Variants in SLC24A3 observed in about 807,000 individuals in gnomAD.
The protein encoded by SLC24A3 is solute carrier family 24 member 3, also known as sodium/potassium/calcium exchanger 3.
Under a neutral mutation model 75.8 loss-of-function variants are expected in SLC24A3, and 28 were observed. The ratio of observed to expected loss-of-function variants is 0.37; its 90% CI spans 0.27 to 0.51. The LOEUF is 0.51. SLC24A3 is among the 20% of genes least tolerant of loss of function. The probability of loss-of-function intolerance (pLI) is 0.94; values close to 1 mark genes in which losing one functional copy is unlikely to be tolerated. For synonymous variants in SLC24A3, 372 were observed against 334.1 expected (o/e 1.11, Z -1.24); for missense variants, 663 against 847.8 (o/e 0.78, Z 2.71).
chr20:19,475,123 G>A (rs1987940372), intron 2 of SLC24A3, among the ~76,000 whole-genome samples: 1 of 152,154 alleles, frequency 6.6e-6, no homozygotes, highest in South Asian at 2.1e-4. Context: ...AGGATCACAA[G>A]GTCAGGAGAT....
intron 2 of SLC24A3, among the ~76,000 whole-genome samples, chr20:19,465,086 A>C (rs1987741749): frequency 6.6e-6 from 1 of 152,246 alleles, no homozygotes; most frequent in Admixed American, 6.5e-5. Context: ...AACTCATTTA[A>C]ATTTAGATAG....
chr20:19,241,597 G>A lies in SLC24A3; in HGVS notation c.142+28613G>A, dbSNP rs57132425. 9.6e-3 allele frequency among the ~76,000 whole-genome samples: 1,469 copies of A among 152,302 alleles called. 22 individuals carry two copies. The highest frequency in any genetic ancestry group is 0.032 in the African/African-American group (1,338 of 41,558). On this transcript the variant is annotated intron_variant, in intron 1 of 16. Transcript: ENST00000328041. ...AAAAGTACTTGTAAGTAGATTAACC[G>A]TGCATGCCCGGGGCGTTTCCCAAAG...
At chr20:19,557,396 A>G (rs1483198746) in intron 3 of SLC24A3, among the ~76,000 whole-genome samples, 1 of 152,160 alleles carries the variant, frequency 6.6e-6, no homozygotes, top group African/African-American at 2.4e-5. Flanking sequence ...TATTTACACC[A>G]TGAACATCAG....
chr20:19,531,078 G>T (rs1003708662), intron 3 of SLC24A3, among the ~76,000 whole-genome samples: 1 of 151,824 alleles, frequency 6.6e-6, no homozygotes, highest in Non-Finnish European at 1.5e-5. Context: ...TCCGTGTGCT[G>T]TAGTCACACC....
chr20:19,573,355 T>C (rs775503889), intron 3 of SLC24A3, among the ~76,000 whole-genome samples: 2 of 152,226 alleles, frequency 1.3e-5, no homozygotes, highest in Non-Finnish European at 2.9e-5. Flanking sequence ...GTTTTATTAG[T>C]CTCAATCAAC....
chr20:19,688,523 C>T (rs1364639635), intron 12 of SLC24A3, among the ~76,000 whole-genome samples: 1 of 152,242 alleles, frequency 6.6e-6, no homozygotes, highest in East Asian at 1.9e-4. Context: ...GGGTGAGAAG[C>T]CTGTCGGGTG....
At chr20:19,293,703 C>T (rs1433376407) in intron 2 of SLC24A3, among the ~76,000 whole-genome samples, 1 of 149,682 alleles carries the variant, frequency 6.7e-6, no homozygotes, top group African/African-American at 2.5e-5. Flanking sequence ...GATGCCCAAG[C>T]AAAATTACTC....
At chr20:19,534,037 T>C (rs1207528187) in intron 3 of SLC24A3, among the ~76,000 whole-genome samples, 1 of 152,250 alleles carries the variant, frequency 6.6e-6, no homozygotes, top group Non-Finnish European at 1.5e-5. Flanking sequence ...CTATCTGTTA[T>C]GCTCATTTGT....
chr20:19,641,553 G>T (rs2032075535), intron 6 of SLC24A3, among the ~76,000 whole-genome samples: 1 of 152,162 alleles, frequency 6.6e-6, no homozygotes, highest in Non-Finnish European at 1.5e-5. Flanking sequence ...CACACGGATG[G>T]GGCTTTCTTC....
At chr20:19,675,176 T>C (rs2032509321) in intron 9 of SLC24A3, among the ~76,000 whole-genome samples, 1 of 152,214 alleles carries the variant, frequency 6.6e-6, no homozygotes, top group Non-Finnish European at 1.5e-5. Context: ...GAGGAGGTTA[T>C]AAAGAATGCA....
intron 2 of SLC24A3, among the ~76,000 whole-genome samples, chr20:19,393,063 T>C (rs1421203039): frequency 6.6e-6 from 1 of 152,194 alleles, no homozygotes; most frequent in African/African-American, 2.4e-5. Context: ...AGTTCAATCA[T>C]GATCTGGCCA....
intron 3 of SLC24A3, among the ~76,000 whole-genome samples, chr20:19,572,352 A>G (rs80270317): frequency 0.026 from 3,963 of 152,102 alleles, 182 homozygotes; most frequent in African/African-American, 0.089. Context: ...TCTCTAAAAG[A>G]AGAAAAAAAG....
intron 2 of SLC24A3, among the ~76,000 whole-genome samples, chr20:19,316,603 A>G (rs752607799): frequency 6.6e-6 from 1 of 152,238 alleles, no homozygotes; most frequent in Non-Finnish European, 1.5e-5. Flanking sequence ...GCCATAAATC[A>G]GCCAGACACC....
At chr20:19,670,211 G>T (rs1201338864) in intron 8 of SLC24A3, among the ~76,000 whole-genome samples, 1 of 152,082 alleles carries the variant, frequency 6.6e-6, no homozygotes, top group Non-Finnish European at 1.5e-5. Context: ...AGAGGGGGTG[G>T]GGGGAAGGGC....
intron 6 of SLC24A3, among the ~76,000 whole-genome samples, chr20:19,594,439 G>A (rs1042825198): frequency 8.5e-5 from 13 of 152,240 alleles, no homozygotes; most frequent in Admixed American, 1.3e-4. Context: ...GGTTTGTCTC[G>A]TAGTTATTTG....
At chr20:19,677,134 A>AT (rs1207866763) in intron 9 of SLC24A3, among the ~76,000 whole-genome samples, 1 of 152,136 alleles carries the variant, frequency 6.6e-6, no homozygotes, top group Non-Finnish European at 1.5e-5. Context: ...TGATAAATGT[A>AT]TAATACATGA....
intron 2 of SLC24A3, among the ~76,000 whole-genome samples, chr20:19,512,035 G>A (rs746286909): frequency 9.2e-5 from 14 of 152,190 alleles, no homozygotes; most frequent in South Asian, 2.1e-4. Context: ...AGTGCTGGCC[G>A]CTCCATTCAC....
At chr20:19,700,155 A>C (rs982824516) in intron 15 of SLC24A3, among the ~76,000 whole-genome samples, 2 of 152,170 alleles carry the variant, frequency 1.3e-5, no homozygotes, top group African/African-American at 4.8e-5. Flanking sequence ...TTTCAGAATA[A>C]GTGTTGCTAG....
chr20:19,641,167 C>T (rs140555849), intron 6 of SLC24A3, among the ~76,000 whole-genome samples: 17 of 152,194 alleles, frequency 1.1e-4, no homozygotes, highest in African/African-American at 3.9e-4. Flanking sequence ...GAGCCTGAGC[C>T]CCCATTTAAG....
Sources: allele counts gnomAD v4.1 joint callset (sites outside exome capture counted in the v4.1 genomes callset), GRCh38; gene constraint gnomAD v4.1.1; transcripts MANE v1.5; gene names NCBI Gene and HGNC (gene_info 2026-07-23, HGNC 2026-07-21).